Variants in ITGA6 observed in about 807,000 individuals in gnomAD.
ITGA6 encodes integrin alpha-6.
In ITGA6, 63 loss-of-function variants were observed where a neutral mutation model predicts 133.6. That is an observed-to-expected ratio of 0.47 (90% confidence interval 0.38 to 0.58). The LOEUF (loss-of-function observed/expected upper bound fraction) is 0.58. Ranked by LOEUF, ITGA6 falls within the 20% of genes least tolerant of loss-of-function variation. The probability of loss-of-function intolerance (pLI) is 0.00; values close to 1 mark genes in which losing one functional copy is unlikely to be tolerated. For synonymous variants in ITGA6, 434 were observed against 482.0 expected (o/e 0.90, Z 1.30); for missense variants, 1,068 against 1,309.4 (o/e 0.82, Z 2.85).
intron 13 of ITGA6, among the ~76,000 whole-genome samples, chr2:172,486,209 T>C (rs997401644): frequency 5.6e-5 from 8 of 142,062 alleles, no homozygotes; most frequent in African/African-American, 1.8e-4. Context: ...AACTAATTGA[T>C]GATGAGTGTC....
intron 1 of ITGA6, among the ~76,000 whole-genome samples, chr2:172,437,532 G>A (rs1348416706): frequency 6.6e-6 from 1 of 152,156 alleles, no homozygotes; most frequent in Non-Finnish European, 1.5e-5. Flanking sequence ...AGATGTGAGA[G>A]TAATAGATTT....
chr2:172,466,006 CA>C, intron 2 of ITGA6: 1 of 370,772 alleles, frequency 2.7e-6, no homozygotes, highest in African/African-American at 2.1e-5. Context: ...ATTCATCAGC[CA>C]AAAGTTCTCA....
At position 172,427,718 on chromosome 2, in the gene ITGA6, C is replaced by T; in HGVS notation, c.-71C>T. On this transcript the variant is annotated 5_prime_UTR_variant, in exon 1 of 26. Transcript: ENST00000684293. ...GGTGGCTGCGGTAGCAGCAGCGCGG[C>T]AGCCTCGGACCCAGCCCGGAGCGCA... 2.1e-6 allele frequency: 3 copies of T among 1,415,748 alleles called. No individual in the cohort carries two copies. Among genetic ancestry groups the T allele is most frequent in the South Asian group, 1.6e-5 (1 of 64,378 alleles). The allele number at this position is 1,415,748 out of a possible 1,614,324, so 87.7% of individuals were successfully genotyped here.
intron 24 of ITGA6, among the ~76,000 whole-genome samples, chr2:172,499,031 C>T (rs935417553): frequency 3.3e-5 from 5 of 152,152 alleles, no homozygotes; most frequent in South Asian, 2.1e-4. Context: ...CAAACATGTC[C>T]GGTCTGGAGG....
chr2:172,490,944 G>A, intron 20 of ITGA6, 80 bp from the exon 21 acceptor site: 1 of 809,766 alleles, frequency 1.2e-6, no homozygotes, highest in Non-Finnish European at 2.2e-6. Context: ...CACTGTTTGG[G>A]AGGATATGCT....
At chr2:172,444,598 C>T (rs1270700906) in intron 1 of ITGA6, among the ~76,000 whole-genome samples, 3 of 119,048 alleles carry the variant, frequency 2.5e-5, no homozygotes, top group Non-Finnish European at 5.1e-5. Flanking sequence ...GCCCCCCGCC[C>T]CCCGCCAAAA....
intron 1 of ITGA6, among the ~76,000 whole-genome samples, chr2:172,440,198 T>C (rs1314752771): frequency 6.6e-6 from 1 of 152,184 alleles, no homozygotes; most frequent in East Asian, 1.9e-4. Context: ...GTCCTGTTGG[T>C]TTGTGAGCTT....
intron 24 of ITGA6, among the ~76,000 whole-genome samples, chr2:172,501,528 CA>C (rs1311663467): frequency 5.9e-5 from 9 of 152,102 alleles, no homozygotes; most frequent in African/African-American, 2.2e-4. Context: ...ATTTCTGTTA[CA>C]AAGAGAAAAA....
At chr2:172,432,401 G>A (rs1408021904) in intron 1 of ITGA6, among the ~76,000 whole-genome samples, 5 of 152,148 alleles carry the variant, frequency 3.3e-5, no homozygotes, top group Admixed American at 1.3e-4. Context: ...TGAGGGCAGG[G>A]GTCTTACATT....
rs372938976 is a variant in ITGA6, at chr2:172,494,379, A to G, written c.2988+2856A>G. ...AGAAATTAGCCAGGTGGGGTGGCAC[A>G]TGCCTGTATTCCCAGCTACCTGGGA... On this transcript the variant is annotated intron_variant, in intron 23 of 25. Transcript: ENST00000684293. Among the ~76,000 whole-genome samples, 5 of 152,228 alleles carry G rather than the reference A, an allele frequency of 3.3e-5. No homozygotes were observed. The East Asian group carries it at 9.7e-4, about 29-fold the overall frequency.
chr2:172,484,284 G>A (rs1286201959), intron 11 of ITGA6, among the ~76,000 whole-genome samples: 4 of 152,180 alleles, frequency 2.6e-5, no homozygotes, highest in Admixed American at 6.5e-5. Context: ...TTCTGCTTCC[G>A]TAGGTGTGAC....
rs1686711951 is a variant in ITGA6, at chr2:172,487,054, A to G, written c.1886A>G (p.Asp629Gly). The G allele has an allele frequency of 5.6e-6, 9 of 1,612,162 alleles. No individual in the cohort carries two copies. The highest frequency in any genetic ancestry group is 5.5e-5 in the South Asian group (5 of 91,032). Residue 629 changes from aspartate (D) to glycine (G), a missense_variant, in exon 14 of 26, where the codon GAC becomes GGC. By Grantham distance (94) the Asp-to-Gly change is moderately conservative. Around this residue, in one of 3 missense-constraint regions of ITGA6, gnomAD observed 609 missense variants for 707.2 expected, o/e 0.86. Transcript: ENST00000684293. The part of the protein sequence containing the change: ...VHFLKEGCGD[D>G]NVCNSNLKLE... ...TTCTTAAAAGAGGGATGTGGAGACG[A>G]CAATGTATGTAACAGCAACCTTAAA...
chr2:172,469,032 T>G lies in ITGA6; in HGVS notation c.388-93T>G, dbSNP rs960981870. ...ACATGCTTAATCATCCTCTTTAGAA[T>G]TAACCTCTGTATTGACCATTTTATT... On this transcript the variant is annotated intron_variant, in intron 3 of 25. Transcript: ENST00000684293. The G allele has an allele frequency of 5.2e-5, 69 of 1,339,118 alleles. 1 individual carries two copies. In the Middle Eastern group the frequency reaches 1.1e-3, roughly 21 times the overall value. The allele number at this position is 1,339,118 out of a possible 1,614,324, so 83.0% of individuals were successfully genotyped here. A position where few individuals can be genotyped will look rare whatever the true frequency, so the allele number is the denominator to read the frequency against.
At position 172,427,793 on chromosome 2, in the gene ITGA6, C is replaced by T. The variant is rs770965047; in HGVS notation, c.5C>T (p.Ala2Val). The change falls in exon 1 of 26, where the codon GCC (alanine) becomes GTC (valine). Residue 2 changes from alanine (A) to valine (V), a missense_variant. This residue lies in a region of ITGA6 where 142 missense variants were observed against 145.3 expected (regional missense o/e 0.98). Transcript: ENST00000684293. MAAAGQLCLLYL... is the reference protein window; with the variant it reads MVAAGQLCLLYL... ...CCCCTCCCCGTGCGTCCGCCCATGG[C>T]CGCCGCCGGGCAGCTGTGCTTGCTC... 11 of 1,593,042 alleles carry T rather than the reference C, an allele frequency of 6.9e-6. No individual in the cohort carries two copies. In the East Asian group the frequency reaches 2.1e-4, roughly 30 times the overall value.
intron 2 of ITGA6, chr2:172,465,866 C>A: frequency 1.3e-6 from 1 of 743,600 alleles, no homozygotes; most frequent in Non-Finnish European, 2.2e-6. Context: ...TTTTGCTGCT[C>A]CTCCTAACCG....
Position 172,478,019 on chromosome 2 carries a change from T to G in ITGA6, c.1388+1506T>G, listed in dbSNP as rs531922319. Among the ~76,000 whole-genome samples the G allele has an allele frequency of 7.0e-4, 107 of 152,140 alleles. 1 individual carries two copies. The highest frequency in any genetic ancestry group is 3.4e-3 in the Middle Eastern group (1 of 294). ...TATATTTTGCCCTCAAAATTGTGTG[T>G]TGTATGTTTAAAAAACAAAATATGT... On this transcript the variant is annotated intron_variant, in intron 9 of 25. Coordinates refer to ENST00000684293, the MANE Select transcript of ITGA6 (RefSeq NM_000210.4).
intron 5 of ITGA6, among the ~76,000 whole-genome samples, chr2:172,471,996 A>G (rs887732538): frequency 2.0e-5 from 3 of 152,214 alleles, no homozygotes; most frequent in African/African-American, 7.2e-5. Flanking sequence ...TACATGAATA[A>G]TTTCAAGCAA....
chr2:172,474,873 T>C, intron 6 of ITGA6, 56 bp from the exon 7 acceptor site: 1 of 839,728 alleles, frequency 1.2e-6, no homozygotes, highest in Admixed American at 1.7e-5. Flanking sequence ...CCTAGACTGG[T>C]GTTGCTGGTA....
At chr2:172,465,967 A>G in intron 2 of ITGA6, 1 of 459,768 alleles carries the variant, frequency 2.2e-6, no homozygotes, top group Non-Finnish European at 4.0e-6. Flanking sequence ...ATTTCATAGC[A>G]ATGAAGAGAA....
Sources: gnomAD v4.1 joint callset for allele counts (sites outside exome capture counted in the v4.1 genomes callset) on GRCh38, gnomAD v4.1.1 for gene constraint, gnomAD v4.1.1 regional missense constraint, MANE v1.5 for transcripts, NCBI Gene and HGNC (gene_info 2026-07-23, HGNC 2026-07-21) for gene names.